TNC: variants seen among roughly 807,000 people sequenced by gnomAD.
TNC encodes the protein tenascin C.
TNC carries 109 observed loss-of-function variants against 202.4 expected under a neutral mutation model. The observed-to-expected ratio is 0.54, with a 90% CI of 0.46 to 0.63. The LOEUF is 0.63. Ranked by LOEUF, TNC falls within the 30% of genes least tolerant of loss-of-function variation. The probability of loss-of-function intolerance (pLI) is 0.00; values close to 1 mark genes in which losing one functional copy is unlikely to be tolerated. For missense variants in TNC, 2,756 were observed against 2,833.3 expected, an observed-to-expected ratio of 0.97 and a Z score of 0.62; for synonymous variants, 1,007 against 1,089.7, an observed-to-expected ratio of 0.92 and a Z score of 1.50.
At chr9:115,088,755 G>A (rs141782566) in intron 2 of TNC, among the ~76,000 whole-genome samples, 1 of 151,714 alleles carries the variant, frequency 6.6e-6, no homozygotes, top group Non-Finnish European at 1.5e-5. Flanking sequence ...CTAGTATGGT[G>A]GCCCTTGGCC....
At chr9:115,101,048 T>G (rs1836194812) in intron 1 of TNC, among the ~76,000 whole-genome samples, 1 of 152,154 alleles carries the variant, frequency 6.6e-6, no homozygotes, top group Non-Finnish European at 1.5e-5. Context: ...CTGATGAGTT[T>G]TTTACTTTTC....
At position 115,086,813 on chromosome 9, in the gene TNC, C is replaced by G. The variant is rs771119148; in HGVS notation, c.918G>C (p.Thr306=). 5 of 1,613,952 alleles carry G rather than the reference C, an allele frequency of 3.1e-6. No individual in the cohort carries two copies. In the South Asian group the frequency reaches 3.3e-5, roughly 11 times the overall value. ...ENECVCDEGF[T]GEDCSELICP... The stretch of plus-strand genomic sequence containing the variant: ...AGATGAGCTCACTGCAGTCTTCGCC[C>G]GTGAAACCCTCATCACACACGCACT... The change falls in exon 3 of 28, where the codon ACG becomes ACC. Residue 306 remains threonine (T), a synonymous_variant. Transcript: ENST00000350763.
Position 115,086,182 on chromosome 9 carries a change from C to A in TNC, c.1549G>T (p.Val517Phe). The change falls in exon 3 of 28, where the codon GTC (valine) becomes TTC (phenylalanine). Residue 517 changes from valine (V) to phenylalanine (F), a missense_variant. Physicochemically the swap from Val to Phe is conservative, Grantham distance 50. Coordinates refer to ENST00000350763, the MANE Select transcript of TNC (RefSeq NM_002160.4). ...GGGCCGGTGAAGCCGTCCTCACAGA[C>A]GCACTGTCCGTCCACACAGAGGCCC... The part of the protein sequence containing the change: ...NRGLCVDGQC[V>F]CEDGFTGPDC... 1 of 1,614,056 alleles carries A rather than the reference C, an allele frequency of 6.2e-7. No homozygotes were observed. Among genetic ancestry groups the A allele is most frequent in the East Asian group, 2.2e-5 (1 of 44,880 alleles).
At chr9:115,090,068 T>C (rs1456405792) in intron 2 of TNC, among the ~76,000 whole-genome samples, 3 of 152,206 alleles carry the variant, frequency 2.0e-5, no homozygotes, top group Non-Finnish European at 4.4e-5. Flanking sequence ...GCACTGTGCA[T>C]TTGTAAGAAT....
Position 115,048,354 on chromosome 9 carries a change from A to G in TNC, c.4758T>C (p.Leu1586=), listed in dbSNP as rs751734173. 3.1e-6 allele frequency: 5 copies of G among 1,614,092 alleles called. No homozygotes were observed. In the South Asian group the frequency reaches 5.5e-5, roughly 18 times the overall value. The part of the protein sequence containing the change: ...TLSGTQRKLE[L]RGLITGIGYE... ...AGCCAATGCCAGTTATGAGGCCTCT[A>G]AGCTCCAGCTTCCTCTGGGTTCCTG... The change falls in exon 16 of 28, where the codon CTT becomes CTC. Residue 1586 remains leucine, a synonymous_variant. Transcript: ENST00000350763.
chr9:115,114,206 C>T (rs992408134), intron 1 of TNC, among the ~76,000 whole-genome samples: 13 of 152,212 alleles, frequency 8.5e-5, no homozygotes, highest in Non-Finnish European at 1.3e-4. Flanking sequence ...CAAACTGGCC[C>T]GGGATAAGAT....
At chr9:115,069,250 A>G (rs1050766925) in intron 10 of TNC, among the ~76,000 whole-genome samples, 1 of 152,170 alleles carries the variant, frequency 6.6e-6, no homozygotes, top group African/African-American at 2.4e-5. Flanking sequence ...GTCACTGTCA[A>G]GGCTTATGTT....
In TNC at chr9:115,073,857, G is replaced by A. The variant is rs778506429; in HGVS notation, c.2960C>T (p.Thr987Met). The change falls in exon 10 of 28, where the codon ACG becomes ATG. Residue 987 changes from threonine (T) to methionine (M), a missense_variant. Thr to Met is a moderately conservative substitution (Grantham distance 81, BLOSUM62 -1). Coordinates refer to ENST00000350763, the MANE Select transcript of TNC (RefSeq NM_002160.4). ...ATINAATELD[T>M]PKDLQVSETA... Reference sequence around the variant, plus strand: ...TTCAGAAACCTGAAGGTCCTTGGGCGTGTCCAACTCTGGGAGGAGAACAGA... The same window carrying A: ...TTCAGAAACCTGAAGGTCCTTGGGCATGTCCAACTCTGGGAGGAGAACAGA... 86 of 1,609,906 alleles carry A rather than the reference G, an allele frequency of 5.3e-5. No individual in the cohort carries two copies. Among genetic ancestry groups the A allele is most frequent in the Middle Eastern group, 3.3e-4 (2 of 6,082 alleles).
intron 13 of TNC, among the ~76,000 whole-genome samples, chr9:115,062,267 T>C (rs1378189080): frequency 5.9e-5 from 9 of 152,208 alleles, no homozygotes; most frequent in Non-Finnish European, 1.3e-4. Context: ...GGTTCATTGC[T>C]GATTTAAAGA....
chr9:115,088,271 T>G (rs1392344459), intron 2 of TNC, among the ~76,000 whole-genome samples: 1 of 152,224 alleles, frequency 6.6e-6, no homozygotes, highest in Non-Finnish European at 1.5e-5. Context: ...TTTCCAAAGT[T>G]TTTTGTGGAA....
In TNC at chr9:115,084,349, A is replaced by T; in HGVS notation, c.1991T>A (p.Leu664Gln). 5 of 1,614,208 alleles carry T rather than the reference A, an allele frequency of 3.1e-6. No homozygotes were observed. The East Asian group carries it at 1.1e-4, about 36-fold the overall frequency. The stretch of plus-strand genomic sequence containing the variant: ...CCCAGGCACACGGAACTGCATTTCC[A>T]GACCACCCTCGTGGGTGGGCGTGTA... ...VVYTPTHEGG[L>Q]EMQFRVPGDQ... is the part of the protein sequence containing the mutation. The change falls in exon 4 of 28, where the codon CTG becomes CAG. Residue 664 changes from leucine (L) to glutamine (Q), a missense_variant. Coordinates refer to ENST00000350763, the MANE Select transcript of TNC (RefSeq NM_002160.4).
intron 10 of TNC, among the ~76,000 whole-genome samples, chr9:115,065,984 T>C (rs1342648493): frequency 1.3e-5 from 2 of 151,944 alleles, no homozygotes; most frequent in Non-Finnish European, 2.9e-5. Context: ...TAGTTTATAT[T>C]GGGATTTCAT....
intron 27 of TNC, among the ~76,000 whole-genome samples, chr9:115,023,703 GAGATTTTGTCTGAGT>G (rs1829259858): frequency 6.6e-6 from 1 of 152,220 alleles, no homozygotes; most frequent in South Asian, 2.1e-4. Context: ...GGTTCAGACA[GAGATTTTGTCTGAGT>G]AAAGCGTTCT....
intron 6 of TNC, among the ~76,000 whole-genome samples, chr9:115,080,714 C>T (rs1432684744): frequency 6.6e-6 from 1 of 151,998 alleles, no homozygotes; most frequent in Admixed American, 6.5e-5. Flanking sequence ...AGTTGGAAAC[C>T]AGCCTGGCCA....
At chr9:115,038,413 C>A in intron 19 of TNC, 33 bp from the exon 20 acceptor site, 2 of 1,610,386 alleles carry the variant, frequency 1.2e-6, no homozygotes, top group South Asian at 2.2e-5. Flanking sequence ...GGAGGGAAGT[C>A]ATTGGGTGGG....
intron 10 of TNC, 25 bp from the exon 11 acceptor site, chr9:115,064,944 A>G (rs1468783939): frequency 6.2e-7 from 1 of 1,600,676 alleles, no homozygotes. Context: ...AGATGGGGTC[A>G]GTTAAACTAT....
chr9:115,095,450 ATATATATG>A (rs1835575086), intron 1 of TNC, among the ~76,000 whole-genome samples: 1 of 93,990 alleles, frequency 1.1e-5, no homozygotes, highest in African/African-American at 4.5e-5. Flanking sequence ...GTATGTGTAT[ATATATATG>A]TATATATATA....
intron 10 of TNC, among the ~76,000 whole-genome samples, chr9:115,067,084 G>T (rs1435710506): frequency 6.6e-6 from 1 of 152,206 alleles, no homozygotes. Flanking sequence ...AACTGCAAGT[G>T]ATGTATCTAG....
At chr9:115,066,196 G>A (rs1832939063) in intron 10 of TNC, among the ~76,000 whole-genome samples, 1 of 152,070 alleles carries the variant, frequency 6.6e-6, no homozygotes, top group Non-Finnish European at 1.5e-5. Flanking sequence ...CATTCATCTC[G>A]CGAATGCACG....
Sources: gnomAD v4.1 joint callset for allele counts (sites outside exome capture counted in the v4.1 genomes callset) on GRCh38, gnomAD v4.1.1 for gene constraint, MANE v1.5 for transcripts, NCBI Gene and HGNC (gene_info 2026-07-23, HGNC 2026-07-21) for gene names.